Variants in LMBR1 observed in about 807,000 individuals in gnomAD.
LMBR1 encodes the protein limb development membrane protein 1.
In LMBR1, 52 loss-of-function variants were observed where a neutral mutation model predicts 73.9. The observed-to-expected ratio is 0.70, with a 90% CI of 0.56 to 0.89. The LOEUF is 0.89. Among genes scored for constraint, LMBR1 ranks in the 40% least tolerant of loss-of-function variants. The pLI, the probability that LMBR1 is intolerant of heterozygous loss-of-function variation, is 0.00. For missense variants in LMBR1, 539 were observed against 579.8 expected (o/e 0.93, Z 0.72); for synonymous variants, 215 against 209.4 (o/e 1.03, Z -0.23).
chr7:156,690,628 T>C (rs1806983084), intron 15 of LMBR1, among the ~76,000 whole-genome samples: 1 of 152,214 alleles, frequency 6.6e-6, no homozygotes, highest in South Asian at 2.1e-4. Context: ...GTCTCTATCA[T>C]CAGATGTTTT....
chr7:156,764,780 T>C (rs1464995113), intron 5 of LMBR1, among the ~76,000 whole-genome samples: 1 of 152,194 alleles, frequency 6.6e-6, no homozygotes, highest in Non-Finnish European at 1.5e-5. Context: ...ATAGGATGCA[T>C]TAAAATCACG....
intron 1 of LMBR1, among the ~76,000 whole-genome samples, chr7:156,884,680 A>AC (rs5888693): frequency 0.24 from 37,043 of 152,036 alleles, 5,065 homozygotes; most frequent in East Asian, 0.42. Flanking sequence ...TCCCCATGGA[A>AC]CTCACTGAAA....
At chr7:156,716,358 C>A (rs1239869286) in intron 15 of LMBR1, among the ~76,000 whole-genome samples, 5 of 152,202 alleles carry the variant, frequency 3.3e-5, no homozygotes, top group Admixed American at 1.3e-4. Flanking sequence ...TGAGGATTTA[C>A]GTGCAACAAT....
At chr7:156,675,267 C>G (rs1457464586), downstream of LMBR1, among the ~76,000 whole-genome samples, 1 of 152,230 alleles carries the variant, frequency 6.6e-6, no homozygotes, top group Non-Finnish European at 1.5e-5. Context: ...TCGGTGGGAA[C>G]CACGGCAAGG....
intron 1 of LMBR1, among the ~76,000 whole-genome samples, chr7:156,874,810 A>G (rs1273572005): frequency 6.6e-6 from 1 of 152,250 alleles, no homozygotes; most frequent in East Asian, 1.9e-4. Flanking sequence ...CTTGAGCCCT[A>G]GACCTTCCCT....
At chr7:156,839,071 CAG>C (rs1454806262) in intron 1 of LMBR1, among the ~76,000 whole-genome samples, 2 of 99,040 alleles carry the variant, frequency 2.0e-5, no homozygotes, top group African/African-American at 8.0e-5. Flanking sequence ...TTTTTTTGGA[CAG>C]AGTTTCACTC....
chr7:156,871,252 G>A (rs1799246994), intron 1 of LMBR1, among the ~76,000 whole-genome samples: 1 of 152,098 alleles, frequency 6.6e-6, no homozygotes, highest in Non-Finnish European at 1.5e-5. Flanking sequence ...TGAAGAAGTA[G>A]AAAGTCTGAA....
At chr7:156,672,363 A>T (rs1802731769) in intron 4 of LMBR1, among the ~76,000 whole-genome samples, 1 of 152,202 alleles carries the variant, frequency 6.6e-6, no homozygotes, top group East Asian at 1.9e-4. Context: ...TCCTGGCCCC[A>T]GGACTAATAA....
intron 5 of LMBR1, among the ~76,000 whole-genome samples, chr7:156,784,412 T>C (rs538584167): frequency 1.3e-3 from 198 of 152,284 alleles, no homozygotes; most frequent in African/African-American, 4.3e-3. Flanking sequence ...CTGTCTTGTA[T>C]GTTGGTGGAC....
chr7:156,855,435 C>G (rs531874446), intron 1 of LMBR1, among the ~76,000 whole-genome samples: 1 of 152,114 alleles, frequency 6.6e-6, no homozygotes, highest in South Asian at 2.1e-4. Flanking sequence ...TCAATGGAAA[C>G]TTCCCAAGCT....
chr7:156,830,255 C>T (rs956263188), intron 3 of LMBR1, among the ~76,000 whole-genome samples: 100 of 152,088 alleles, frequency 6.6e-4, no homozygotes, highest in African/African-American at 2.3e-3. Context: ...TTGTAGTTAT[C>T]AATAAAATGA....
chr7:156,822,102 T>C (rs1217548144), intron 4 of LMBR1: 1 of 152,208 alleles, frequency 6.6e-6, no homozygotes, highest in Admixed American at 6.5e-5. Context: ...CTTCATAAAA[T>C]GTATGAACTT....
chr7:156,867,370 TTAAATA>T (rs1798612263), intron 1 of LMBR1, among the ~76,000 whole-genome samples: 2 of 152,212 alleles, frequency 1.3e-5, no homozygotes, highest in Admixed American at 6.5e-5. Flanking sequence ...CCTCAAAATA[TTAAATA>T]TAAAGTTACT....
chr7:156,676,608 TG>T, downstream of LMBR1: 7 of 1,614,216 alleles, frequency 4.3e-6, no homozygotes, highest in Non-Finnish European at 5.9e-6. Context: ...TTTCCATGCC[TG>T]TCCTCTCTGC....
At chr7:156,788,272 A>G (rs922021018) in intron 5 of LMBR1, among the ~76,000 whole-genome samples, 2 of 152,148 alleles carry the variant, frequency 1.3e-5, no homozygotes, top group African/African-American at 4.8e-5. Context: ...CCATTTCTTT[A>G]AAAGAAAAAA....
intron 5 of LMBR1, among the ~76,000 whole-genome samples, chr7:156,784,286 G>A (rs188059492): frequency 3.9e-5 from 6 of 152,152 alleles, no homozygotes; most frequent in East Asian, 1.9e-4. Context: ...GTTCATCTCC[G>A]TATTTAAGAA....
At chr7:156,675,677 G>A (rs1437460613), downstream of LMBR1, 4 of 1,391,896 alleles carry the variant, frequency 2.9e-6, no homozygotes, top group Non-Finnish European at 4.1e-6. Context: ...GAGCTTACCC[G>A]CCCCCGCCTC....
chr7:156,796,063 T>C lies in LMBR1; in HGVS notation c.423+326A>G, dbSNP rs572645079. ...GCTAGATAACAGAAAGGGGAGCCCATGGAAATAACACTTTACTGTCACCTT... is the reference window on the plus strand; with the variant it reads ...GCTAGATAACAGAAAGGGGAGCCCACGGAAATAACACTTTACTGTCACCTT... On this transcript the variant is annotated intron_variant, in intron 5 of 16. Transcript: ENST00000353442. Among the ~76,000 whole-genome samples, 2 of 152,266 alleles carry C rather than the reference T, an allele frequency of 1.3e-5. No homozygotes were observed. Among genetic ancestry groups the C allele is most frequent in the African/African-American group, 4.8e-5 (2 of 41,548 alleles).
downstream of LMBR1, among the ~76,000 whole-genome samples, chr7:156,673,384 T>C (rs995572390): frequency 6.6e-6 from 1 of 152,218 alleles, no homozygotes; most frequent in Non-Finnish European, 1.5e-5. Flanking sequence ...AGAGAACTCT[T>C]CTACTTTCAA....
Sources: gnomAD v4.1 joint callset for allele counts (sites outside exome capture counted in the v4.1 genomes callset) on GRCh38, gnomAD v4.1.1 for gene constraint, MANE v1.5 for transcripts, NCBI Gene and HGNC (gene_info 2026-07-23, HGNC 2026-07-21) for gene names.